CENPL: variants seen among roughly 807,000 people sequenced by gnomAD.
CENPL encodes centromere protein L.
Under a neutral mutation model 35.2 loss-of-function variants are expected in CENPL, and 20 were observed. The observed-to-expected ratio is 0.57, with a 90% CI of 0.40 to 0.83. The LOEUF (loss-of-function observed/expected upper bound fraction) is 0.83. Ranked by LOEUF, CENPL falls within the 40% of genes least tolerant of loss-of-function variation. CENPL has a pLI of 0.00. For missense variants in CENPL, 363 were observed against 395.8 expected (o/e 0.92, Z 0.70); for synonymous variants, 140 against 140.6 (o/e 1.00, Z 0.03).
intron 2 of CENPL, among the ~76,000 whole-genome samples, chr1:173,813,430 G>C (rs889101581): frequency 6.6e-6 from 1 of 152,152 alleles, no homozygotes; most frequent in African/African-American, 2.4e-5. Flanking sequence ...AGAGAGAAAG[G>C]TCGGGTTACC....
rs762194675 is a variant in CENPL, at chr1:173,802,983, GTGC to G, written c.940_942del (p.Ala314del). On this transcript the variant is annotated inframe_deletion, in exon 5 of 6. Coordinates refer to ENST00000682279, the MANE Select transcript of CENPL (RefSeq NM_001387287.1). Reference sequence around the variant, plus strand: ...CTAACCTTTATTTTTCCATCAGTATGTGCTGAAGCTACAGATGTTGAAACACGA... The same window carrying G: ...CTAACCTTTATTTTTCCATCAGTATGTGAAGCTACAGATGTTGAAACACGA... 6.2e-7 allele frequency: 1 copy of G among 1,610,348 alleles called. No individual in the cohort carries two copies. Among genetic ancestry groups the G allele is most frequent in the Admixed American group, 1.7e-5 (1 of 59,872 alleles).
rs1162603719 is a variant in CENPL at position 173,799,827 on chromosome 1, G to A, written c.*621C>T. 6.6e-6 allele frequency: 1 copy of A among 152,106 alleles called. No individual in the cohort carries two copies. 9.4% of individuals were successfully genotyped at this position (152,106 alleles called of 1,614,324 possible). ...GATACATCTCATTTGAATCCTAAGA[G>A]TTTAAACATAATAAACGCTGTATTT... is the stretch of plus-strand genomic sequence containing the variant. On this transcript the variant is annotated 3_prime_UTR_variant, in exon 6 of 6. Transcript: ENST00000682279.
At chr1:173,805,864 T>C (rs1650179617) in intron 4 of CENPL, among the ~76,000 whole-genome samples, 1 of 152,126 alleles carries the variant, frequency 6.6e-6, no homozygotes, top group African/African-American at 2.4e-5. Context: ...AAAAAGACAG[T>C]ATACCACTAT....
intron 2 of CENPL, among the ~76,000 whole-genome samples, chr1:173,815,478 C>T (rs1004568746): frequency 5.9e-5 from 9 of 152,160 alleles, no homozygotes; most frequent in African/African-American, 1.9e-4. Flanking sequence ...CATCAAAAAG[C>T]TTATCCACCA....
intron 5 of CENPL, among the ~76,000 whole-genome samples, chr1:173,800,929 C>T (rs997253671): frequency 6.6e-6 from 1 of 152,120 alleles, no homozygotes; most frequent in African/African-American, 2.4e-5. Flanking sequence ...TGCATTCCAG[C>T]CTGGGTGAAA....
intron 3 of CENPL, among the ~76,000 whole-genome samples, chr1:173,809,139 G>A (rs1047567720): frequency 6.6e-6 from 1 of 152,024 alleles, no homozygotes; most frequent in African/African-American, 2.4e-5. Flanking sequence ...TCAGGAGTTC[G>A]AGACCAGCCT....
intron 4 of CENPL, among the ~76,000 whole-genome samples, chr1:173,805,438 C>A (rs912384509): frequency 1.3e-5 from 2 of 151,676 alleles, no homozygotes; most frequent in South Asian, 2.1e-4. Context: ...CTACTTGAAC[C>A]CAGGAGGTAG....
intron 2 of CENPL, among the ~76,000 whole-genome samples, chr1:173,821,099 T>C (rs1277907973): frequency 6.6e-6 from 1 of 152,236 alleles, no homozygotes; most frequent in African/African-American, 2.4e-5. Context: ...TTAGACAGAA[T>C]GTTTCCTTCA....
intron 2 of CENPL, among the ~76,000 whole-genome samples, chr1:173,819,999 G>A (rs1011026369): frequency 2.6e-5 from 4 of 151,870 alleles, no homozygotes; most frequent in South Asian, 2.1e-4. Context: ...CACCGCACTC[G>A]GCCCATATTT....
At chr1:173,814,668 G>C (rs377303651) in intron 2 of CENPL, among the ~76,000 whole-genome samples, 1 of 152,134 alleles carries the variant, frequency 6.6e-6, no homozygotes, top group South Asian at 2.1e-4. Context: ...AGAATCTCTG[G>C]GACACATTTA....
chr1:173,819,793 G>A lies in CENPL; in HGVS notation c.-8+4133C>T, dbSNP rs909613640. Among the ~76,000 whole-genome samples, 9 of 151,912 alleles carry A rather than the reference G, an allele frequency of 5.9e-5. 1 individual carries two copies. The highest frequency in any genetic ancestry group is 9.7e-5 in the African/African-American group (4 of 41,366). On this transcript the variant is annotated intron_variant, in intron 2 of 5. Coordinates refer to ENST00000682279, the MANE Select transcript of CENPL (RefSeq NM_001387287.1). ...TGCAACCTCTGCCTCCTGGGCTCCA[G>A]CAATTCTCTTGACTCAGTCTCCTGA...
At chr1:173,811,028 G>A (rs1309021251) in intron 3 of CENPL, 104 bp downstream of exon 3, 11 of 921,570 alleles carry the variant, frequency 1.2e-5, no homozygotes, top group African/African-American at 1.7e-5. Context: ...TATTAGCTGA[G>A]GGGTTAAGAA....
chr1:173,813,040 A>G (rs1045437151), intron 2 of CENPL, among the ~76,000 whole-genome samples: 3 of 152,242 alleles, frequency 2.0e-5, no homozygotes, highest in South Asian at 2.1e-4. Flanking sequence ...ACAAGCTTCA[A>G]TAGCCAATTC....
intron 2 of CENPL, among the ~76,000 whole-genome samples, chr1:173,820,814 C>T (rs1435576197): frequency 1.3e-5 from 2 of 152,084 alleles, no homozygotes; most frequent in Non-Finnish European, 2.9e-5. Context: ...AAATTTCATA[C>T]ATTTAACATT....
At chr1:173,820,065 G>A (rs796838967) in intron 2 of CENPL, among the ~76,000 whole-genome samples, 12 of 151,952 alleles carry the variant, frequency 7.9e-5, no homozygotes, top group Non-Finnish European at 1.5e-4. Flanking sequence ...CAAAATGCTT[G>A]GGATCAAAAG....
chr1:173,806,488 G>A (rs1650240549), intron 4 of CENPL: 1 of 444,228 alleles, frequency 2.3e-6, no homozygotes. Context: ...GAAGGCTAAG[G>A]TGGAAGGATC....
In CENPL at chr1:173,803,991, G is replaced by A. The variant is rs1216686303; in HGVS notation, c.421-486C>T. On this transcript the variant is annotated intron_variant, in intron 4 of 5. Transcript: ENST00000682279. Reference sequence around the variant, plus strand: ...CCGGCCCCCAATATTCTTATACAGTGGAAACATGATATATGGCAAAATCTT... The same window carrying A: ...CCGGCCCCCAATATTCTTATACAGTAGAAACATGATATATGGCAAAATCTT... Among the ~76,000 whole-genome samples the A allele has an allele frequency of 2.0e-5, 3 of 151,920 alleles. No homozygotes were observed. The East Asian group carries it at 5.8e-4, about 29-fold the overall frequency.
intron 5 of CENPL, among the ~76,000 whole-genome samples, chr1:173,802,752 C>G (rs535267152): frequency 1.3e-5 from 2 of 152,244 alleles, no homozygotes; most frequent in South Asian, 4.1e-4. Context: ...TTACCAAAAG[C>G]TGAAGCACAC....
intron 3 of CENPL, among the ~76,000 whole-genome samples, chr1:173,809,506 C>T (rs928787230): frequency 2.6e-5 from 4 of 151,576 alleles, no homozygotes; most frequent in Non-Finnish European, 5.9e-5. Context: ...GCAGAAGAAT[C>T]GCTTGAATCT....
Sources: allele counts gnomAD v4.1 joint callset (sites outside exome capture counted in the v4.1 genomes callset), GRCh38; gene constraint gnomAD v4.1.1; transcripts MANE v1.5; gene names NCBI Gene and HGNC (gene_info 2026-07-23, HGNC 2026-07-21).